The following LRP1 variants were observed in gnomAD, a reference collection of about 807,000 sequenced individuals.
LRP1 encodes prolow-density lipoprotein receptor-related protein 1.
Under a neutral mutation model 541.5 loss-of-function variants are expected in LRP1, and 51 were observed. That is an observed-to-expected ratio of 0.09 (90% confidence interval 0.08 to 0.12). The LOEUF (loss-of-function observed/expected upper bound fraction) is 0.12, where lower values mean the gene tolerates loss of function less well. LRP1 is among the 10% of genes least tolerant of loss of function. The pLI is 1.00. For missense variants in LRP1, 3,878 were observed against 6,376.2 expected, an observed-to-expected ratio of 0.61 and a Z score of 13.34; for synonymous variants, 2,219 against 2,470.8, an observed-to-expected ratio of 0.90 and a Z score of 3.02.
rs116829253 is a variant in LRP1 at position 57,149,010 on chromosome 12, A to G, written c.841+3520A>G. On this transcript the variant is annotated intron_variant, in intron 6 of 88. Transcript: ENST00000243077. ...TGTGTTTTCGAAATCACAACAGGAAATGGGGTAGTGATTTGTCTAGAGGGG... is the reference window on the plus strand; with the variant it reads ...TGTGTTTTCGAAATCACAACAGGAAGTGGGGTAGTGATTTGTCTAGAGGGG... 1.1e-3 allele frequency: 766 copies of G among 677,314 alleles called. 2 individuals carry two copies. The African/African-American group carries it at 0.013, about 11-fold the overall frequency. The allele number at this position is 677,314 out of a possible 1,614,324, so 42.0% of individuals were successfully genotyped here.
At chr12:57,144,824 G>T (rs944819568) in intron 4 of LRP1, 148 bp from the exon 5 acceptor site, 14 of 779,670 alleles carry the variant, frequency 1.8e-5, no homozygotes, top group Middle Eastern at 3.7e-4. Context: ...GGGTGTTAAG[G>T]TTTGCACATT....
chr12:57,187,604 G>A (rs2036295801), intron 42 of LRP1, 148 bp downstream of exon 42: 2 of 790,210 alleles, frequency 2.5e-6, no homozygotes, highest in African/African-American at 1.7e-5. Context: ...GGGGAGAGGT[G>A]CAAAAGCTTC....
chr12:57,175,687 G>C lies in LRP1; in HGVS notation c.3775G>C (p.Glu1259Gln). The C allele has an allele frequency of 6.4e-7, 1 of 1,573,390 alleles. No individual in the cohort carries two copies. The highest frequency in any genetic ancestry group is 8.6e-7 in the Non-Finnish European group (1 of 1,157,394). Residue 1259 changes from glutamate (E) to glutamine (Q), a missense_variant, in exon 23 of 89, where the codon GAG becomes CAG. This residue lies in a region of LRP1 where 320 missense variants were observed against 547.9 expected (regional missense o/e 0.58). Transcript: ENST00000243077. ...GGGCTGGGTCCTGGAACCTGACGGC[G>C]AGAGCTGCCGCAGCCTGGGTGAGAC... ...YEGWVLEPDG[E>Q]SCRSLDPFKP...
At position 57,183,482 on chromosome 12, in the gene LRP1, G is replaced by C. The variant is rs191768462; in HGVS notation, c.5766G>C (p.Ser1922=). The change falls in exon 35 of 89, where the codon TCG becomes TCC. Residue 1922 remains serine (S), a synonymous_variant. Coordinates refer to ENST00000243077, the MANE Select transcript of LRP1 (RefSeq NM_002332.3). This position sits in a 1 kb window ranked among gnomAD's most constrained non-coding sequence, Gnocchi z 6.1. The part of the protein sequence containing the change: ...SDALVPVSGT[S]LAVGIDFHAE... ...CCCTGGTCCCAGTGTCCGGGACCTC[G>C]CTGGCTGTCGGCATCGACTTCCACG... is the stretch of plus-strand genomic sequence containing the variant. 9 of 1,613,952 alleles carry C rather than the reference G, an allele frequency of 5.6e-6. No individual in the cohort carries two copies.
rs147095966 is a variant in LRP1, at chr12:57,208,068, G to A, written c.11890G>A (p.Ala3964Thr). ...AGGGCTGAAGATGCCCAGAGGCATC[G>A]CCATCGACTGGGTGGCCGGAAACGT... ...ISGLKMPRGI[A>T]IDWVAGNVYW... Residue 3964 changes from alanine (A) to threonine (T), a missense_variant, in exon 77 of 89, where the codon GCC becomes ACC. Physicochemically the swap from Ala to Thr is moderately conservative, Grantham distance 58. This residue lies in a region of LRP1 where 871 missense variants were observed against 1,212.4 expected (regional missense o/e 0.72). Coordinates refer to ENST00000243077, the MANE Select transcript of LRP1 (RefSeq NM_002332.3). 9.9e-6 allele frequency: 16 copies of A among 1,614,122 alleles called. No homozygotes were observed. The African/African-American group carries it at 1.5e-4, about 15-fold the overall frequency.
At chr12:57,148,156 C>CTTT (rs760101626) in intron 6 of LRP1, among the ~76,000 whole-genome samples, 2 of 130,674 alleles carry the variant, frequency 1.5e-5, no homozygotes, top group African/African-American at 5.6e-5. Context: ...CCTGGACAAG[C>CTTT]TTTTTTTTTT....
In LRP1 at chr12:57,185,387, G is replaced by A; in HGVS notation, c.6464-144G>A. On this transcript the variant is annotated intron_variant, in intron 40 of 88. Coordinates refer to ENST00000243077, the MANE Select transcript of LRP1 (RefSeq NM_002332.3). The surrounding 1 kb of genome is among the most constrained non-coding windows in gnomAD (Gnocchi z 4.9). ...CTGAGGTGCTCTGGGACAGATCTTG[G>A]CATTGGACTCTGGGCCCTGGAGGGT... is the stretch of plus-strand genomic sequence containing the variant. 1 of 1,320,388 alleles carries A rather than the reference G, an allele frequency of 7.6e-7. No homozygotes were observed. Among genetic ancestry groups the A allele is most frequent in the South Asian group, 1.5e-5 (1 of 68,462 alleles). 81.8% of individuals were successfully genotyped at this position (1,320,388 alleles called of 1,614,324 possible).
At chr12:57,186,883 TAATC>T (rs1340037111) in intron 41 of LRP1, among the ~76,000 whole-genome samples, 1 of 152,246 alleles carries the variant, frequency 6.6e-6, no homozygotes, top group African/African-American at 2.4e-5. Context: ...CTTTATAAAA[TAATC>T]AATCCAGCTC....
intron 20 of LRP1, among the ~76,000 whole-genome samples, chr12:57,170,595 G>A (rs1327835542): frequency 2.0e-5 from 3 of 152,070 alleles, no homozygotes; most frequent in Admixed American, 6.5e-5. Context: ...AAGGCAGGAG[G>A]ATCACTTGTT....
In LRP1 at chr12:57,199,229, C is replaced by T. The variant is rs1273987563; in HGVS notation, c.9694C>T (p.Pro3232Ser). 6.2e-7 allele frequency: 1 copy of T among 1,613,650 alleles called. No homozygotes were observed. Among genetic ancestry groups the T allele is most frequent in the Admixed American group, 1.7e-5 (1 of 60,028 alleles). Residue 3232 changes from proline to serine, a missense_variant, in exon 61 of 89, where the codon CCG becomes TCG. Around this residue, in one of 13 missense-constraint regions of LRP1, gnomAD observed 1,100 missense variants for 1,827.4 expected, o/e 0.60. Transcript: ENST00000243077. ...NRHVVLSQDI[P>S]HIFALTLFED... ...CCCTGCAGTGCTGAGCCAGGACATC[C>T]CGCACATCTTTGCACTGACCCTGTT...
At chr12:57,208,418 C>T in intron 77 of LRP1, 1 of 631,598 alleles carries the variant, frequency 1.6e-6, no homozygotes, top group East Asian at 2.8e-5. Flanking sequence ...GCTGGGCCTG[C>T]TTGGGCAGGG....
In LRP1 at chr12:57,185,140, C is replaced by T; in HGVS notation, c.6398C>T (p.Pro2133Leu). Residue 2133 changes from proline (P) to leucine (L), a missense_variant, in exon 40 of 89, where the codon CCC becomes CTC. Coordinates refer to ENST00000243077, the MANE Select transcript of LRP1 (RefSeq NM_002332.3). This position sits in a 1 kb window ranked among gnomAD's most constrained non-coding sequence, Gnocchi z 4.9. Reference protein sequence around the residue: ...GSKDNATDSVPLRTGIGVQLK... With the variant: ...GSKDNATDSVLLRTGIGVQLK... ...AAAGACAATGCCACAGACTCCGTGCCCCTGCGAACCGGCATCGGCGTCCAG... is the reference window on the plus strand; with the variant it reads ...AAAGACAATGCCACAGACTCCGTGCTCCTGCGAACCGGCATCGGCGTCCAG... 2 of 1,614,152 alleles carry T rather than the reference C, an allele frequency of 1.2e-6. No homozygotes were observed. The highest frequency in any genetic ancestry group is 4.5e-5 in the East Asian group (2 of 44,876).
At chr12:57,152,783 A>C (rs2136672626) in intron 6 of LRP1, among the ~76,000 whole-genome samples, 1 of 152,262 alleles carries the variant, frequency 6.6e-6, no homozygotes, top group Middle Eastern at 3.4e-3. Flanking sequence ...GGACCTGAAG[A>C]AGAAACTAGT....
chr12:57,211,145 T>C lies in LRP1; in HGVS notation c.12917-31T>C, dbSNP rs894122454. ...TGGAGAGCCCTCATGAGGGTGGGGC[T>C]TGAGGCACTTCTCTCCCTCCCCAAC... On this transcript the variant is annotated intron_variant, in intron 83 of 88. Coordinates refer to ENST00000243077, the MANE Select transcript of LRP1 (RefSeq NM_002332.3). This position sits in a 1 kb window ranked among gnomAD's most constrained non-coding sequence, Gnocchi z 4.3. 4.4e-6 allele frequency: 7 copies of C among 1,608,760 alleles called. No individual in the cohort carries two copies. The highest frequency in any genetic ancestry group is 2.2e-5 in the East Asian group (1 of 44,780).
At chr12:57,198,696 G>A in intron 60 of LRP1, 26 bp downstream of exon 60, 3 of 1,585,514 alleles carry the variant, frequency 1.9e-6, no homozygotes, top group East Asian at 2.3e-5. Flanking sequence ...AGGCTGTCCA[G>A]GCACAGCAGA....
Position 57,165,996 on chromosome 12 carries a change from G to T in LRP1, c.2671+51G>T, listed in dbSNP as rs377171906. 179 of 1,612,256 alleles carry T rather than the reference G, an allele frequency of 1.1e-4. No individual in the cohort carries two copies. The highest frequency in any genetic ancestry group is 1.5e-4 in the Non-Finnish European group (175 of 1,178,546). On this transcript the variant is annotated intron_variant, in intron 16 of 88. Transcript: ENST00000243077. The surrounding 1 kb of genome is among the most constrained non-coding windows in gnomAD (Gnocchi z 4.5). The stretch of plus-strand genomic sequence containing the variant: ...TGTTGGATGGCAGGCCTGCAGGGCA[G>T]CTCGGCTCTGGCAGTGCCTATACTG...
chr12:57,169,846 C>T (rs758668634), intron 20 of LRP1, among the ~76,000 whole-genome samples: 2 of 152,196 alleles, frequency 1.3e-5, no homozygotes, highest in South Asian at 2.1e-4. Flanking sequence ...GCCTCGGGGG[C>T]GGTGGGGACC....
At position 57,136,402 on chromosome 12, in the gene LRP1, C is replaced by CA. The variant is rs879575173; in HGVS notation, c.68-2057_68-2056insA. Among the ~76,000 whole-genome samples, 217 of 146,674 alleles carry CA rather than the reference C, an allele frequency of 1.5e-3. 3 individuals are homozygous for CA. The highest frequency in any genetic ancestry group is 7.2e-3 in the Middle Eastern group (2 of 278). ...ACTCCCTCCCTCCTAAGAGCCCCCC[C>CA]CCCCCGCCATTTTCCTTATACTTCT... On this transcript the variant is annotated intron_variant, in intron 1 of 88. Coordinates refer to ENST00000243077, the MANE Select transcript of LRP1 (RefSeq NM_002332.3).
Position 57,202,542 on chromosome 12 carries a change from G to GGGGGGCCCCCCCC in LRP1, c.10711+5_10711+6insGGGGGCCCCCCCC. The stretch of plus-strand genomic sequence containing the variant: ...ACTCCGATGAAGAGAGCTGCAGTAC[G>GGGGGGCCCCCCCC]TCCCCACCCACCCAGCCCCGCATGA... On this transcript the variant is annotated splice_donor_region_variant and intron_variant, in intron 68 of 88. Coordinates refer to ENST00000243077, the MANE Select transcript of LRP1 (RefSeq NM_002332.3). 6.4e-7 allele frequency: 1 copy of GGGGGGCCCCCCCC among 1,563,842 alleles called. No individual in the cohort carries two copies. Among genetic ancestry groups the GGGGGGCCCCCCCC allele is most frequent in the East Asian group, 2.4e-5 (1 of 42,382 alleles).
Sources: gnomAD v4.1 joint callset for allele counts (sites outside exome capture counted in the v4.1 genomes callset) on GRCh38, gnomAD v4.1.1 for gene constraint, gnomAD v4.1.1 regional missense constraint, Gnocchi (gnomAD v3.1) non-coding constraint, MANE v1.5 for transcripts, NCBI Gene and HGNC (gene_info 2026-07-23, HGNC 2026-07-21) for gene names.